ANKS1B: variants seen among roughly 807,000 people sequenced by gnomAD.
ANKS1B encodes the protein ankyrin repeat and sterile alpha motif domain-containing protein 1B.
ANKS1B carries 36 observed loss-of-function variants against 148.3 expected under a neutral mutation model. The observed-to-expected ratio is 0.24, with a 90% CI of 0.19 to 0.32. The LOEUF (loss-of-function observed/expected upper bound fraction) is 0.32. ANKS1B is among the 10% of genes least tolerant of loss of function. ANKS1B has a pLI of 1.00. For synonymous variants in ANKS1B, 542 were observed against 560.8 expected (o/e 0.97, Z 0.47); for missense variants, 1,157 against 1,542.6 (o/e 0.75, Z 4.19).
At chr12:99,691,111 C>G (rs543834253) in intron 8 of ANKS1B, among the ~76,000 whole-genome samples, 2 of 152,208 alleles carry the variant, frequency 1.3e-5, no homozygotes, top group African/African-American at 4.8e-5. Flanking sequence ...TGTACCTTTG[C>G]CCCTTTTAGC....
At chr12:98,911,276 T>C (rs1029591858) in intron 17 of ANKS1B, among the ~76,000 whole-genome samples, 2 of 152,110 alleles carry the variant, frequency 1.3e-5, no homozygotes, top group African/African-American at 4.8e-5. Context: ...AGAATCATAG[T>C]GTCAAGATGA....
intron 12 of ANKS1B, among the ~76,000 whole-genome samples, chr12:99,250,058 AG>A (rs1382925607): frequency 1.3e-5 from 2 of 152,244 alleles, no homozygotes; most frequent in African/African-American, 4.8e-5. Context: ...GGGAACTACC[AG>A]GGTCCATCAG....
chr12:99,146,390 T>C (rs1223816308), intron 15 of ANKS1B, among the ~76,000 whole-genome samples: 4 of 152,134 alleles, frequency 2.6e-5, no homozygotes, highest in African/African-American at 7.2e-5. Flanking sequence ...TGTTGGGGAA[T>C]ACTTCCTGGG....
chr12:98,750,089 G>T (rs2098036923), intron 26 of ANKS1B, among the ~76,000 whole-genome samples: 1 of 152,136 alleles, frequency 6.6e-6, no homozygotes, highest in African/African-American at 2.4e-5. Flanking sequence ...TGTCTGTGAA[G>T]CATCAAGGTG....
At chr12:99,185,758 G>A (rs2079753481) in intron 14 of ANKS1B, among the ~76,000 whole-genome samples, 1 of 152,228 alleles carries the variant, frequency 6.6e-6, no homozygotes, top group Non-Finnish European at 1.5e-5. Flanking sequence ...CAGACCAGGA[G>A]ATTCCTCCAG....
intron 11 of ANKS1B, among the ~76,000 whole-genome samples, chr12:99,410,263 C>T (rs956942998): frequency 1.3e-5 from 2 of 152,082 alleles, no homozygotes; most frequent in African/African-American, 2.4e-5. Context: ...TGTTTTCCTG[C>T]TACAGTAGCA....
At chr12:98,776,354 T>G (rs1478073842) in intron 24 of ANKS1B, among the ~76,000 whole-genome samples, 1 of 152,254 alleles carries the variant, frequency 6.6e-6, no homozygotes, top group Admixed American at 6.5e-5. Flanking sequence ...AAAACTGGAC[T>G]CCTCACATGT....
chr12:99,026,692 C>A (rs2099948956), intron 17 of ANKS1B, among the ~76,000 whole-genome samples: 1 of 152,262 alleles, frequency 6.6e-6, no homozygotes, highest in African/African-American at 2.4e-5. Context: ...TGCCATGTTA[C>A]CTGAACAGGG....
intron 10 of ANKS1B, among the ~76,000 whole-genome samples, chr12:99,492,539 C>T (rs1310438071): frequency 6.6e-6 from 1 of 152,128 alleles, no homozygotes; most frequent in African/African-American, 2.4e-5. Context: ...CTCCTTGCGA[C>T]CTCATCCTAT....
intron 4 of ANKS1B, among the ~76,000 whole-genome samples, chr12:99,789,984 G>C (rs1016436658): frequency 6.6e-6 from 1 of 152,044 alleles, no homozygotes; most frequent in African/African-American, 2.4e-5. Context: ...CAAACCCAGA[G>C]AAAGATATTA....
intron 17 of ANKS1B, among the ~76,000 whole-genome samples, chr12:98,854,499 C>A (rs1457165434): frequency 6.8e-6 from 1 of 147,922 alleles, no homozygotes; most frequent in African/African-American, 2.4e-5. Context: ...AAAGCAACAC[C>A]ATCCCCTGTT....
intron 14 of ANKS1B, among the ~76,000 whole-genome samples, chr12:99,214,544 TTTGCTTCTCC>T (rs1014247333): frequency 1.3e-5 from 2 of 152,212 alleles, no homozygotes; most frequent in African/African-American, 4.8e-5. Context: ...AAGACATGCC[TTTGCTTCTCC>T]TTTGCCTTCT....
In ANKS1B at chr12:99,298,362, C is replaced by T. The variant is rs142787810; in HGVS notation, c.1757-51498G>A. On this transcript the variant is annotated intron_variant, in intron 12 of 26. Transcript: ENST00000683438. ...TGTTCTCATAGTAGTGAACAAGTCT[C>T]ATGAGATCTGATGGTTTTATAAATG... Among the ~76,000 whole-genome samples, 871 of 152,278 alleles carry T rather than the reference C, an allele frequency of 5.7e-3. 3 individuals carry two copies. Among genetic ancestry groups the T allele is most frequent in the African/African-American group, 0.02 (812 of 41,558 alleles).
chr12:99,899,164 A>G (rs773852326), intron 1 of ANKS1B, among the ~76,000 whole-genome samples: 45 of 152,198 alleles, frequency 3.0e-4, no homozygotes, highest in Non-Finnish European at 5.4e-4. Context: ...GGAGGGAAGT[A>G]CTATATTTAT....
chr12:99,672,802 T>C (rs2098544537), intron 8 of ANKS1B, among the ~76,000 whole-genome samples: 1 of 152,150 alleles, frequency 6.6e-6, no homozygotes, highest in Non-Finnish European at 1.5e-5. Context: ...TCTCCTATCA[T>C]AGTTTAATAA....
At chr12:99,296,387 T>C (rs1441482783) in intron 12 of ANKS1B, among the ~76,000 whole-genome samples, 1 of 152,222 alleles carries the variant, frequency 6.6e-6, no homozygotes, top group Non-Finnish European at 1.5e-5. Flanking sequence ...TTGGCATCTT[T>C]TCTGGTCTTT....
At chr12:99,657,213 G>A (rs932802314) in intron 8 of ANKS1B, among the ~76,000 whole-genome samples, 9 of 152,104 alleles carry the variant, frequency 5.9e-5, no homozygotes, top group Admixed American at 1.3e-4. Context: ...AGGAAACTAA[G>A]GGACAGAGAG....
intron 12 of ANKS1B, among the ~76,000 whole-genome samples, chr12:99,320,082 C>T (rs932076955): frequency 4.6e-5 from 7 of 152,174 alleles, no homozygotes; most frequent in Non-Finnish European, 7.4e-5. Flanking sequence ...GATCGGCTTC[C>T]CTTTGTGGGT....
chr12:99,148,376 G>T (rs1223462127), intron 15 of ANKS1B, among the ~76,000 whole-genome samples: 1 of 151,828 alleles, frequency 6.6e-6, no homozygotes, highest in African/African-American at 2.4e-5. Context: ...CCAGAAGGAG[G>T]AAAAGGCTCC....
Sources: allele counts gnomAD v4.1 joint callset (sites outside exome capture counted in the v4.1 genomes callset), GRCh38; gene constraint gnomAD v4.1.1; transcripts MANE v1.5; gene names NCBI Gene and HGNC (gene_info 2026-07-23, HGNC 2026-07-21).